The following GRIK3 variants were observed in gnomAD, a reference collection of about 807,000 sequenced individuals.
The protein encoded by GRIK3 is glutamate ionotropic receptor kainate type subunit 3.
A neutral mutation model predicts 102.5 loss-of-function variants in GRIK3; 29 were observed. That is an observed-to-expected ratio of 0.28 (90% confidence interval 0.21 to 0.39). The LOEUF is 0.39. Among genes scored for constraint, GRIK3 ranks in the 10% least tolerant of loss-of-function variants. GRIK3 has a pLI of 1.00. For synonymous variants in GRIK3, 511 were observed against 504.9 expected (o/e 1.01, Z -0.16); for missense variants, 908 against 1,252.4 (o/e 0.73, Z 4.15).
chr1:36,869,020 T>G (rs1335154781), intron 5 of GRIK3, among the ~76,000 whole-genome samples: 1 of 152,054 alleles, frequency 6.6e-6, no homozygotes, highest in Non-Finnish European at 1.5e-5. Flanking sequence ...CTGGGATGGG[T>G]GGAATAGTCT....
chr1:36,944,809 C>T (rs549413089), intron 1 of GRIK3, among the ~76,000 whole-genome samples: 4 of 152,324 alleles, frequency 2.6e-5, no homozygotes, highest in African/African-American at 9.6e-5. Flanking sequence ...CGTCTCAAGG[C>T]TGCTGGTATT....
At chr1:36,981,705 GTGTCTCT>G (rs1192272516) in intron 1 of GRIK3, among the ~76,000 whole-genome samples, 5 of 152,100 alleles carry the variant, frequency 3.3e-5, no homozygotes, top group Admixed American at 3.3e-4. Flanking sequence ...GCTGAGTCAT[GTGTCTCT>G]TTATTACTCT....
chr1:36,952,785 G>A (rs1450087541), intron 1 of GRIK3, among the ~76,000 whole-genome samples: 4 of 152,198 alleles, frequency 2.6e-5, no homozygotes, highest in Admixed American at 2.6e-4. Context: ...GGAGATGATA[G>A]GGAATACTGG....
At chr1:36,927,252 G>A (rs1641537163) in intron 1 of GRIK3, among the ~76,000 whole-genome samples, 1 of 152,118 alleles carries the variant, frequency 6.6e-6, no homozygotes, top group Non-Finnish European at 1.5e-5. Flanking sequence ...TAAAGCCCAC[G>A]TTTCATTTTT....
chr1:36,903,509 T>C (rs1333740786), intron 1 of GRIK3, among the ~76,000 whole-genome samples: 1 of 152,262 alleles, frequency 6.6e-6, no homozygotes, highest in Non-Finnish European at 1.5e-5. Context: ...CACAAAAGCC[T>C]GCACATGGAT....
intron 1 of GRIK3, among the ~76,000 whole-genome samples, chr1:36,911,664 G>A (rs1641346713): frequency 6.6e-6 from 1 of 152,102 alleles, no homozygotes. Flanking sequence ...TCAGGGACAT[G>A]CAAGTCAAAT....
chr1:36,933,321 G>A (rs922809983), intron 1 of GRIK3, among the ~76,000 whole-genome samples: 6 of 152,256 alleles, frequency 3.9e-5, no homozygotes, highest in South Asian at 2.1e-4. Context: ...AAAGTCACTC[G>A]TGAAGGTGTT....
chr1:36,822,633 GGCT>G (rs1186411998), intron 11 of GRIK3, among the ~76,000 whole-genome samples: 8 of 152,172 alleles, frequency 5.3e-5, no homozygotes, highest in African/African-American at 1.9e-4. Flanking sequence ...CCACAGAGAA[GGCT>G]ACACTCCATC....
At position 36,872,728 on chromosome 1, in the gene GRIK3, C is replaced by T. The variant is rs566606900; in HGVS notation, c.551-359G>A. 1.3e-5 allele frequency among the ~76,000 whole-genome samples: 2 copies of T among 152,362 alleles called. No individual in the cohort carries two copies. Among genetic ancestry groups the T allele is most frequent in the South Asian group, 2.1e-4 (1 of 4,826 alleles). On this transcript the variant is annotated intron_variant, in intron 3 of 15. Coordinates refer to ENST00000373091, the MANE Select transcript of GRIK3 (RefSeq NM_000831.4). The surrounding 1 kb of genome is among the most constrained non-coding windows in gnomAD (Gnocchi z 5.9). Reference sequence around the variant, plus strand: ...GCAAATTCCCACTGACCACACCCATCTGCTTCTCTCTAACCCAGAATGGGT... The same window carrying T: ...GCAAATTCCCACTGACCACACCCATTTGCTTCTCTCTAACCCAGAATGGGT...
intron 1 of GRIK3, among the ~76,000 whole-genome samples, chr1:37,025,654 T>G (rs761356169): frequency 4.1e-4 from 62 of 152,168 alleles, no homozygotes; most frequent in Non-Finnish European, 7.6e-4. Flanking sequence ...TTTGCAGAAG[T>G]CTCCCTCATT....
intron 1 of GRIK3, among the ~76,000 whole-genome samples, chr1:36,939,173 C>A (rs999226688): frequency 3.9e-5 from 6 of 152,218 alleles, no homozygotes; most frequent in Admixed American, 2.6e-4. Context: ...CACCACACAA[C>A]GCATGGAAGT....
At chr1:36,901,470 C>T (rs180759936) in intron 1 of GRIK3, among the ~76,000 whole-genome samples, 2 of 152,272 alleles carry the variant, frequency 1.3e-5, no homozygotes, top group African/African-American at 4.8e-5. Context: ...GCAGAAAATG[C>T]ATTTGACAAA....
At chr1:36,840,448 C>G (rs1056267324) in intron 10 of GRIK3, among the ~76,000 whole-genome samples, 1 of 149,188 alleles carries the variant, frequency 6.7e-6, no homozygotes, top group African/African-American at 2.5e-5. Context: ...CATGGTGGCT[C>G]ATGCCTGTAA....
intron 10 of GRIK3, among the ~76,000 whole-genome samples, chr1:36,827,390 A>T (rs1300768099): frequency 6.6e-6 from 1 of 152,094 alleles, no homozygotes; most frequent in Non-Finnish European, 1.5e-5. Flanking sequence ...GAGGACAGAA[A>T]GGGAGGCTGG....
At chr1:36,892,911 T>C (rs1191965537) in intron 1 of GRIK3, among the ~76,000 whole-genome samples, 1 of 152,192 alleles carries the variant, frequency 6.6e-6, no homozygotes, top group Non-Finnish European at 1.5e-5. Flanking sequence ...ATGAGAAAGA[T>C]GGCTAGTTCC....
rs971931051 is a variant in GRIK3, at chr1:36,859,726, C to G, written c.960+118G>C. 6.0e-6 allele frequency: 5 copies of G among 829,028 alleles called. No individual in the cohort carries two copies. In the Admixed American group the frequency reaches 6.2e-5, roughly 10 times the overall value. The allele number at this position is 829,028 out of a possible 1,614,324, so 51.4% of individuals were successfully genotyped here. On this transcript the variant is annotated intron_variant, in intron 6 of 15. Coordinates refer to ENST00000373091, the MANE Select transcript of GRIK3 (RefSeq NM_000831.4). ...TCCCTAGCCTGGGGTCTGGCTGACACATGGAAGGTCTCAAGAAGAGAAGTG... is the reference window on the plus strand; with the variant it reads ...TCCCTAGCCTGGGGTCTGGCTGACAGATGGAAGGTCTCAAGAAGAGAAGTG...
At chr1:36,824,626 C>A (rs189064726) in intron 11 of GRIK3, among the ~76,000 whole-genome samples, 1 of 152,156 alleles carries the variant, frequency 6.6e-6, no homozygotes, top group African/African-American at 2.4e-5. Flanking sequence ...AATTGCCTCT[C>A]CAGAGAAGTC....
chr1:36,949,831 G>A (rs141203793), intron 1 of GRIK3, among the ~76,000 whole-genome samples: 17 of 152,010 alleles, frequency 1.1e-4, no homozygotes, highest in African/African-American at 3.9e-4. Context: ...TGCCCACCTC[G>A]GCCTCCCAAA....
chr1:36,910,549 C>T (rs1641333039), intron 1 of GRIK3, among the ~76,000 whole-genome samples: 1 of 152,194 alleles, frequency 6.6e-6, no homozygotes, highest in South Asian at 2.1e-4. Flanking sequence ...ACCTCTGTGC[C>T]CTCTCTCAGC....
Sources: allele counts gnomAD v4.1 joint callset (sites outside exome capture counted in the v4.1 genomes callset), GRCh38; gene constraint gnomAD v4.1.1; non-coding constraint Gnocchi (gnomAD v3.1); transcripts MANE v1.5; gene names NCBI Gene and HGNC (gene_info 2026-07-23, HGNC 2026-07-21).